Variants in RALGAPA1 observed in about 807,000 individuals in gnomAD.
RALGAPA1 encodes the protein ral GTPase-activating protein subunit alpha-1.
A neutral mutation model predicts 269.6 loss-of-function variants in RALGAPA1; 52 were observed. The ratio of observed to expected loss-of-function variants is 0.19; its 90% CI spans 0.15 to 0.24. The LOEUF is 0.24. Ranked by LOEUF, RALGAPA1 falls within the 10% of genes least tolerant of loss-of-function variation. RALGAPA1 has a pLI of 1.00. For missense variants in RALGAPA1, 1,917 were observed against 3,013.9 expected, an observed-to-expected ratio of 0.64 and a Z score of 8.52; for synonymous variants, 817 against 1,008.3, an observed-to-expected ratio of 0.81 and a Z score of 3.60.
chr14:35,731,945 A>G (rs1279943147), intron 12 of RALGAPA1, among the ~76,000 whole-genome samples: 1 of 152,208 alleles, frequency 6.6e-6, no homozygotes, highest in Non-Finnish European at 1.5e-5. Flanking sequence ...CAGGTTATCT[A>G]AAGTTAAGAT....
intron 37 of RALGAPA1, among the ~76,000 whole-genome samples, chr14:35,589,816 T>C (rs920590666): frequency 1.3e-5 from 2 of 152,070 alleles, no homozygotes; most frequent in Non-Finnish European, 2.9e-5. Context: ...TCTTCCCACC[T>C]CAGCCTCCAA....
intron 17 of RALGAPA1, among the ~76,000 whole-genome samples, chr14:35,697,870 G>A (rs2067022791): frequency 6.6e-6 from 1 of 151,804 alleles, no homozygotes; most frequent in African/African-American, 2.4e-5. Context: ...AATTCTAAGA[G>A]AAAAAAATGA....
At chr14:35,661,008 TAC>T (rs2063504074) in intron 27 of RALGAPA1, among the ~76,000 whole-genome samples, 2 of 152,154 alleles carry the variant, frequency 1.3e-5, no homozygotes, top group African/African-American at 4.8e-5. Context: ...AAGTTTCAAA[TAC>T]GCAGGATGAC....
intron 35 of RALGAPA1, among the ~76,000 whole-genome samples, chr14:35,607,837 C>T (rs1333747099): frequency 6.6e-6 from 1 of 152,160 alleles, no homozygotes; most frequent in Admixed American, 6.5e-5. Flanking sequence ...GGAAACGAGA[C>T]AGCCAAGAAG....
intron 35 of RALGAPA1, among the ~76,000 whole-genome samples, chr14:35,615,550 A>G (rs1213348207): frequency 6.6e-6 from 1 of 152,178 alleles, no homozygotes; most frequent in African/African-American, 2.4e-5. Flanking sequence ...AGCTCATTGT[A>G]TTGAAAAAAC....
chr14:35,802,409 C>G (rs1002347967), intron 1 of RALGAPA1, among the ~76,000 whole-genome samples: 1 of 152,070 alleles, frequency 6.6e-6, no homozygotes, highest in Non-Finnish European at 1.5e-5. Flanking sequence ...GAGATCCAAT[C>G]AGAAATAGAT....
At chr14:35,688,022 C>A (rs2066111113) in intron 18 of RALGAPA1, among the ~76,000 whole-genome samples, 1 of 152,044 alleles carries the variant, frequency 6.6e-6, no homozygotes, top group Non-Finnish European at 1.5e-5. Flanking sequence ...AAATACAAAA[C>A]CAAATAGATC....
intron 3 of RALGAPA1, among the ~76,000 whole-genome samples, chr14:35,773,749 G>A (rs2074807604): frequency 6.6e-6 from 1 of 151,950 alleles, no homozygotes; most frequent in Non-Finnish European, 1.5e-5. Context: ...CACGACTAAT[G>A]AAAATTAACT....
chr14:35,780,638 A>G (rs991631659), intron 1 of RALGAPA1, among the ~76,000 whole-genome samples: 5 of 152,236 alleles, frequency 3.3e-5, no homozygotes, highest in Non-Finnish European at 7.3e-5. Flanking sequence ...GAAAAATCAC[A>G]GGAGAAGTTA....
In RALGAPA1 at chr14:35,738,570, G is replaced by A. The variant is rs186869556; in HGVS notation, c.1530C>T (p.Asn510=). The A allele has an allele frequency of 2.5e-6, 4 of 1,613,520 alleles. No individual in the cohort carries two copies. The highest frequency in any genetic ancestry group is 1.7e-5 in the Admixed American group (1 of 59,952). Residue 510 remains asparagine, a synonymous_variant, in exon 12 of 42, where the codon AAC becomes AAT. Transcript: ENST00000680220. ...TTTGTTCTGTGGCTTCTTCAGAGGC[G>A]TTATGAAGAGCACCTTGGTAGGAGC... The part of the protein sequence containing the change: ...KNGSYQGALH[N]ASEEATEQNI...
intron 3 of RALGAPA1, among the ~76,000 whole-genome samples, chr14:35,774,744 T>C (rs1057032673): frequency 6.6e-6 from 1 of 152,154 alleles, no homozygotes; most frequent in East Asian, 1.9e-4. Flanking sequence ...ATCTTCATTG[T>C]TTGCAAACAC....
chr14:35,799,912 C>T (rs898175511), intron 1 of RALGAPA1, among the ~76,000 whole-genome samples: 3 of 152,158 alleles, frequency 2.0e-5, no homozygotes, highest in African/African-American at 7.2e-5. Flanking sequence ...ATATATCCTG[C>T]TAACACTAAT....
intron 37 of RALGAPA1, among the ~76,000 whole-genome samples, chr14:35,576,458 A>C (rs1035219578): frequency 6.6e-6 from 1 of 152,182 alleles, no homozygotes; most frequent in Non-Finnish European, 1.5e-5. Context: ...TATGCTATTC[A>C]TGTGCTGGCT....
At chr14:35,735,600 G>A (rs2070909567) in intron 12 of RALGAPA1, among the ~76,000 whole-genome samples, 1 of 151,928 alleles carries the variant, frequency 6.6e-6, no homozygotes, top group African/African-American at 2.4e-5. Context: ...CTGCAAATAG[G>A]GTGCAGTGTA....
chr14:35,717,155 T>A (rs941437189), intron 16 of RALGAPA1, among the ~76,000 whole-genome samples: 3 of 152,206 alleles, frequency 2.0e-5, no homozygotes, highest in Non-Finnish European at 4.4e-5. Context: ...GTATATTCTA[T>A]ACCATTTTTT....
At chr14:35,556,386 G>A (rs1445159744) in intron 39 of RALGAPA1, among the ~76,000 whole-genome samples, 1 of 152,164 alleles carries the variant, frequency 6.6e-6, no homozygotes, top group African/African-American at 2.4e-5. Flanking sequence ...AGATCTGGCA[G>A]AGGGAAAGAT....
intron 28 of RALGAPA1, among the ~76,000 whole-genome samples, chr14:35,658,626 G>A (rs1203259770): frequency 6.6e-6 from 1 of 151,790 alleles, no homozygotes; most frequent in Non-Finnish European, 1.5e-5. Context: ...CAGAGAAAAT[G>A]TCAGCTTTTA....
chr14:35,666,523 C>G (rs1566955834), intron 26 of RALGAPA1, among the ~76,000 whole-genome samples: 1 of 152,166 alleles, frequency 6.6e-6, no homozygotes. Flanking sequence ...CCATGCCCAG[C>G]CTGGACTGGG....
At chr14:35,761,562 CTTA>C (rs1258256930) in intron 5 of RALGAPA1, among the ~76,000 whole-genome samples, 4 of 152,108 alleles carry the variant, frequency 2.6e-5, no homozygotes, top group Non-Finnish European at 4.4e-5. Flanking sequence ...ATCTCATGTA[CTTA>C]TTATTTGATT....
Sources: gnomAD v4.1 joint callset for allele counts (sites outside exome capture counted in the v4.1 genomes callset) on GRCh38, gnomAD v4.1.1 for gene constraint, MANE v1.5 for transcripts, NCBI Gene and HGNC (gene_info 2026-07-23, HGNC 2026-07-21) for gene names.